The following RBFOX1 variants were observed in gnomAD, a reference collection of about 807,000 sequenced individuals.
RBFOX1 encodes the protein RNA binding protein fox-1 homolog 1.
In RBFOX1, 8 loss-of-function variants were observed where a neutral mutation model predicts 57.7. The ratio of observed to expected loss-of-function variants is 0.14; its 90% CI spans 0.08 to 0.25. The LOEUF is 0.25. RBFOX1 is among the 10% of genes least tolerant of loss of function. The pLI is 1.00. For synonymous variants in RBFOX1, 326 were observed against 222.4 expected (o/e 1.47, Z -4.15); for missense variants, 611 against 548.5 (o/e 1.11, Z -1.14).
chr16:6,677,322 G>GT (rs2057904217), intron 3 of RBFOX1, among the ~76,000 whole-genome samples: 1 of 152,078 alleles, frequency 6.6e-6, no homozygotes, highest in Non-Finnish European at 1.5e-5. Context: ...AGGCCCTTTT[G>GT]TAACACTGAA....
intron 4 of RBFOX1, among the ~76,000 whole-genome samples, chr16:7,379,794 C>T (rs1433099925): frequency 6.6e-6 from 1 of 150,426 alleles, no homozygotes; most frequent in Non-Finnish European, 1.5e-5. Flanking sequence ...GCCTGCCTGC[C>T]TCCCTGCCTG....
intron 5 of RBFOX1, among the ~76,000 whole-genome samples, chr16:7,564,320 G>A (rs1034614667): frequency 2.1e-4 from 32 of 150,420 alleles, no homozygotes; most frequent in Non-Finnish European, 1.6e-4. Context: ...TGGGTAGATC[G>A]CGAGGTCAGG....
At chr16:5,399,387 A>G (rs2066650848) in intron 1 of RBFOX1, among the ~76,000 whole-genome samples, 2 of 152,356 alleles carry the variant, frequency 1.3e-5, no homozygotes, top group Non-Finnish European at 2.9e-5. Flanking sequence ...TGAAATATAT[A>G]AATGCATTTA....
rs189389480 is a variant in RBFOX1, at chr16:7,185,418, A to T, written c.27+133320A>T. On this transcript the variant is annotated intron_variant, in intron 4 of 15. Coordinates refer to ENST00000550418, the MANE Select transcript of RBFOX1 (RefSeq NM_018723.4). ...ACAGAGATGGATTACATGGAGGGCC[A>T]TTGGACGCCATGGTTTTGTCTGCAA... Among the ~76,000 whole-genome samples the T allele has an allele frequency of 2.0e-5, 3 of 152,314 alleles. No homozygotes were observed. In the East Asian group the frequency reaches 5.8e-4, roughly 29 times the overall value.
At chr16:7,326,739 G>A (rs1488966892) in intron 4 of RBFOX1, among the ~76,000 whole-genome samples, 1 of 151,980 alleles carries the variant, frequency 6.6e-6, no homozygotes, top group East Asian at 1.9e-4. Context: ...GGGCGACAGA[G>A]CCCAGATCCC....
In RBFOX1 at chr16:7,194,930, A is replaced by AC. The variant is rs1434959885; in HGVS notation, c.27+142832_27+142833insC. ...GCTACAAAATGAGACCCTGTTTCAC[A>AC]AAAAAAAAAAAAAAGTGAAGAATTC... On this transcript the variant is annotated intron_variant, in intron 4 of 15. Transcript: ENST00000550418. 0.029 allele frequency among the ~76,000 whole-genome samples: 7 copies of AC among 238 alleles called. No individual in the cohort carries two copies. In the South Asian group the frequency reaches 0.5, roughly 17 times the overall value. 0.2% of individuals were successfully genotyped at this position (238 alleles called of 152,430 possible). A position where few individuals can be genotyped will look rare whatever the true frequency, so the allele number is the denominator to read the frequency against.
intron 3 of RBFOX1, among the ~76,000 whole-genome samples, chr16:5,795,683 C>T (rs1433454068): frequency 6.6e-6 from 1 of 152,200 alleles, no homozygotes; most frequent in East Asian, 1.9e-4. Context: ...AATATCATTT[C>T]TTCAAGAAGC....
intron 3 of RBFOX1, among the ~76,000 whole-genome samples, chr16:5,706,703 A>G (rs530014895): frequency 6.6e-6 from 1 of 152,282 alleles, no homozygotes; most frequent in Admixed American, 6.5e-5. Flanking sequence ...CTGGTTGCCA[A>G]ATGAAATGAT....
chr16:5,856,215 ATGTAT>A, intron 3 of RBFOX1, among the ~76,000 whole-genome samples: 1 of 59,562 alleles, frequency 1.7e-5, no homozygotes, highest in African/African-American at 6.6e-5. Context: ...ATACATATAT[ATGTAT>A]ATATATATGT....
intron 3 of RBFOX1, among the ~76,000 whole-genome samples, chr16:5,620,541 C>G (rs573567536): frequency 1.8e-4 from 28 of 152,284 alleles, no homozygotes; most frequent in African/African-American, 6.5e-4. Context: ...TCTTCTGAGA[C>G]CTGTCTCCTT....
At chr16:7,052,283 T>G (rs2050352031) in intron 4 of RBFOX1, among the ~76,000 whole-genome samples, 185 bp downstream of exon 4, 1 of 152,238 alleles carries the variant, frequency 6.6e-6, no homozygotes, top group Admixed American at 6.5e-5. Flanking sequence ...ATATCTTCTT[T>G]GGAAGTGCCG....
chr16:6,687,222 A>T (rs1355318236), intron 3 of RBFOX1, among the ~76,000 whole-genome samples: 1 of 152,174 alleles, frequency 6.6e-6, no homozygotes, highest in African/African-American at 2.4e-5. Flanking sequence ...ACTTAGAAGT[A>T]GGAGCTAAGC....
intron 3 of RBFOX1, among the ~76,000 whole-genome samples, chr16:7,038,639 C>G (rs1307680372): frequency 2.6e-5 from 4 of 152,084 alleles, no homozygotes; most frequent in East Asian, 3.9e-4. Context: ...CATTTCAAGA[C>G]CAGCATCAAG....
At chr16:7,708,421 C>T (rs758495) in intron 14 of RBFOX1, among the ~76,000 whole-genome samples, 149,111 of 152,220 alleles carry the variant, frequency 0.98, 73,113 homozygotes, top group Middle Eastern at 1. Context: ...CAAATGCCTC[C>T]CCCTTCCCAG....
At chr16:7,501,133 G>C (rs528323889) in intron 4 of RBFOX1, among the ~76,000 whole-genome samples, 30 of 152,296 alleles carry the variant, frequency 2.0e-4, no homozygotes, top group African/African-American at 7.0e-4. Context: ...TGCAGTGTGA[G>C]AACAGACTAA....
chr16:5,678,614 C>T (rs1312416490), intron 3 of RBFOX1, among the ~76,000 whole-genome samples: 2 of 152,124 alleles, frequency 1.3e-5, no homozygotes, highest in Non-Finnish European at 2.9e-5. Context: ...TGCTTGAGCC[C>T]GTCCCACAGG....
At chr16:7,272,638 A>G (rs946987564) in intron 4 of RBFOX1, among the ~76,000 whole-genome samples, 12 of 150,904 alleles carry the variant, frequency 8.0e-5, no homozygotes, top group African/African-American at 1.5e-4. Context: ...TTCTCCATCA[A>G]TCTGTGAATT....
intron 3 of RBFOX1, among the ~76,000 whole-genome samples, chr16:6,857,297 A>C (rs2058085718): frequency 6.6e-6 from 1 of 152,202 alleles, no homozygotes; most frequent in Admixed American, 6.5e-5. Context: ...ATCCCAAAGA[A>C]GAAGTCAACA....
At chr16:7,081,817 T>A (rs1282239030) in intron 4 of RBFOX1, among the ~76,000 whole-genome samples, 1 of 152,238 alleles carries the variant, frequency 6.6e-6, no homozygotes, top group Non-Finnish European at 1.5e-5. Context: ...AGGATTGCTC[T>A]TATTGATGAA....
Sources: gnomAD v4.1 joint callset for allele counts (sites outside exome capture counted in the v4.1 genomes callset) on GRCh38, gnomAD v4.1.1 for gene constraint, MANE v1.5 for transcripts, NCBI Gene and HGNC (gene_info 2026-07-23, HGNC 2026-07-21) for gene names.